MGAT4C: variants seen among roughly 807,000 people sequenced by gnomAD.
MGAT4C encodes the protein MGAT4 family member C, also known as alpha-1,3-mannosyl-glycoprotein 4-beta-N-acetylglucosaminyltransferase C.
MGAT4C carries 19 observed loss-of-function variants against 40.1 expected under a neutral mutation model. That is an observed-to-expected ratio of 0.47 (90% CI 0.33 to 0.70). The LOEUF (loss-of-function observed/expected upper bound fraction) is 0.70, where lower values mean the gene tolerates loss of function less well. MGAT4C is among the 30% of genes least tolerant of loss of function. The pLI, the probability that MGAT4C is intolerant of heterozygous loss-of-function variation, is 0.02. For missense variants in MGAT4C, 491 were observed against 563.2 expected (o/e 0.87, Z 1.30); for synonymous variants, 181 against 187.1 (o/e 0.97, Z 0.27).
intron 1 of MGAT4C, among the ~76,000 whole-genome samples, chr12:86,074,741 G>A (rs368491781): frequency 5.9e-5 from 9 of 152,136 alleles, no homozygotes; most frequent in Non-Finnish European, 1.2e-4. Context: ...AAGGTGAAAG[G>A]CACGTCCTAC....
intron 3 of MGAT4C, among the ~76,000 whole-genome samples, chr12:86,390,446 T>G (rs950542069): frequency 1.3e-5 from 2 of 152,200 alleles, no homozygotes; most frequent in African/African-American, 4.8e-5. Context: ...AAAATATTTA[T>G]GGAAAATAAA....
intron 2 of MGAT4C, among the ~76,000 whole-genome samples, chr12:86,524,411 A>G (rs1958845528): frequency 6.6e-6 from 1 of 151,862 alleles, no homozygotes; most frequent in Non-Finnish European, 1.5e-5. Context: ...AATGTTGAAT[A>G]TTGGCCCCCA....
At chr12:86,568,247 A>G (rs1960215427) in intron 2 of MGAT4C, among the ~76,000 whole-genome samples, 1 of 152,116 alleles carries the variant, frequency 6.6e-6, no homozygotes, top group African/African-American at 2.4e-5. Flanking sequence ...CTTGATTAGA[A>G]TAAAGCAGGT....
intron 1 of MGAT4C, among the ~76,000 whole-genome samples, chr12:86,085,470 C>G (rs895889935): frequency 6.6e-6 from 1 of 152,068 alleles, no homozygotes; most frequent in Non-Finnish European, 1.5e-5. Flanking sequence ...AATCTTTCCC[C>G]ATTGTTTGTT....
intron 2 of MGAT4C, among the ~76,000 whole-genome samples, chr12:86,481,281 C>T (rs1252494072): frequency 1.3e-5 from 2 of 151,992 alleles, no homozygotes; most frequent in Non-Finnish European, 2.9e-5. Flanking sequence ...AAATAATTGT[C>T]TTCTAGACTT....
chr12:86,742,990 TG>T (rs562315487), intron 1 of MGAT4C, among the ~76,000 whole-genome samples: 24 of 151,634 alleles, frequency 1.6e-4, no homozygotes, highest in Admixed American at 4.0e-4. Flanking sequence ...TATATGTGTG[TG>T]TGTATGTGTG....
chr12:86,002,577 C>T (rs190099926), intron 2 of MGAT4C: 2 of 151,046 alleles, frequency 1.3e-5, no homozygotes, highest in Non-Finnish European at 3.0e-5. Flanking sequence ...TATATGTATA[C>T]ATTACATTTA....
At chr12:86,019,587 A>G (rs1333307334) in intron 2 of MGAT4C, among the ~76,000 whole-genome samples, 1 of 152,206 alleles carries the variant, frequency 6.6e-6, no homozygotes, top group Non-Finnish European at 1.5e-5. Context: ...TGTTTTGGTT[A>G]CTGTAGCCTA....
At chr12:86,384,224 C>G (rs539074144) in intron 3 of MGAT4C, among the ~76,000 whole-genome samples, 2 of 152,288 alleles carry the variant, frequency 1.3e-5, no homozygotes, top group South Asian at 4.1e-4. Flanking sequence ...AGTGTGAAAA[C>G]TGACTAATAC....
chr12:86,394,662 C>G (rs1565729590), intron 3 of MGAT4C, among the ~76,000 whole-genome samples: 1 of 136,968 alleles, frequency 7.3e-6, no homozygotes, highest in African/African-American at 2.7e-5. Flanking sequence ...GAGACAGAGT[C>G]TCTGTCTGTT....
At chr12:86,463,703 A>T (rs1434552226) in intron 2 of MGAT4C, among the ~76,000 whole-genome samples, 1 of 152,140 alleles carries the variant, frequency 6.6e-6, no homozygotes, top group East Asian at 1.9e-4. Flanking sequence ...AACACCCATT[A>T]TGTGCAGCAA....
intron 2 of MGAT4C, among the ~76,000 whole-genome samples, chr12:86,652,103 A>G (rs1963713833): frequency 6.6e-6 from 1 of 151,840 alleles, no homozygotes; most frequent in Non-Finnish European, 1.5e-5. Context: ...TGCATTGCTT[A>G]TGTTTATAGC....
intron 2 of MGAT4C, among the ~76,000 whole-genome samples, chr12:86,041,591 A>C (rs1284813853): frequency 6.6e-6 from 1 of 152,178 alleles, no homozygotes; most frequent in Non-Finnish European, 1.5e-5. Context: ...CAAGTCATTC[A>C]GGATTAGGTT....
intron 1 of MGAT4C, among the ~76,000 whole-genome samples, chr12:86,106,472 T>C (rs952761485): frequency 6.6e-6 from 1 of 152,108 alleles, no homozygotes; most frequent in African/African-American, 2.4e-5. Context: ...GGCTAATTTT[T>C]TTACATTTAT....
intron 1 of MGAT4C, among the ~76,000 whole-genome samples, chr12:86,179,475 A>G (rs928807990): frequency 6.6e-5 from 10 of 152,216 alleles, no homozygotes; most frequent in African/African-American, 2.4e-4. Context: ...AGGGGTCAGA[A>G]GAAGACAGGA....
chr12:86,204,142 T>C (rs1046655888), intron 1 of MGAT4C, among the ~76,000 whole-genome samples: 3 of 151,678 alleles, frequency 2.0e-5, no homozygotes, highest in Non-Finnish European at 4.4e-5. Context: ...AGTGTTCAGG[T>C]AACCAAAAAT....
intron 2 of MGAT4C, among the ~76,000 whole-genome samples, chr12:86,047,585 C>T (rs1892517457): frequency 6.6e-6 from 1 of 152,104 alleles, no homozygotes; most frequent in Non-Finnish European, 1.5e-5. Flanking sequence ...AGGAGATAAA[C>T]CTTGTGGCCC....
chr12:86,516,831 CCT>C (rs1958698393), intron 2 of MGAT4C, among the ~76,000 whole-genome samples: 1 of 152,074 alleles, frequency 6.6e-6, no homozygotes, highest in Admixed American at 6.6e-5. Context: ...CAATGAGATA[CCT>C]CTGTCTACCC....
At chr12:86,167,651 G>A (rs1357360745) in intron 1 of MGAT4C, among the ~76,000 whole-genome samples, 1 of 64,766 alleles carries the variant, frequency 1.5e-5, no homozygotes, top group Non-Finnish European at 2.8e-5. Flanking sequence ...AAAGAGAGGG[G>A]CAAACTCACT....
Sources: allele counts gnomAD v4.1 joint callset (sites outside exome capture counted in the v4.1 genomes callset), GRCh38; gene constraint gnomAD v4.1.1; transcripts MANE v1.5; gene names NCBI Gene and HGNC (gene_info 2026-07-23, HGNC 2026-07-21).